Variants in TBL1XR1 observed in about 807,000 individuals in gnomAD.
The protein encoded by TBL1XR1 is TBL1X/Y related 1.
In TBL1XR1, 5 loss-of-function variants were observed where a neutral mutation model predicts 66.9. The observed-to-expected ratio is 0.07, with a 90% CI of 0.04 to 0.16. The LOEUF is 0.16. Among genes scored for constraint, TBL1XR1 ranks in the 10% least tolerant of loss-of-function variants. The probability of loss-of-function intolerance (pLI) is 1.00; values close to 1 mark genes in which losing one functional copy is unlikely to be tolerated. For synonymous variants in TBL1XR1, 210 were observed against 206.0 expected, an observed-to-expected ratio of 1.02 and a Z score of -0.17; for missense variants, 238 against 623.2, an observed-to-expected ratio of 0.38 and a Z score of 6.58.
chr3:177,081,299 T>C (rs1198486104), intron 2 of TBL1XR1, among the ~76,000 whole-genome samples: 1 of 152,256 alleles, frequency 6.6e-6, no homozygotes, highest in Non-Finnish European at 1.5e-5. Flanking sequence ...AATTTATTTT[T>C]CATTTTGATT....
At chr3:177,150,456 A>T (rs1453653829) in intron 1 of TBL1XR1, among the ~76,000 whole-genome samples, 1 of 152,200 alleles carries the variant, frequency 6.6e-6, no homozygotes, top group Non-Finnish European at 1.5e-5. Context: ...AGAGACCAAA[A>T]GCTATCAGGT....
intron 1 of TBL1XR1, among the ~76,000 whole-genome samples, chr3:177,148,735 T>A (rs1018639136): frequency 6.8e-5 from 10 of 148,118 alleles, no homozygotes; most frequent in African/African-American, 2.5e-4. Flanking sequence ...ATTGGCTGGG[T>A]GCGATGGCTC....
chr3:177,157,367 A>C (rs1373332655), intron 1 of TBL1XR1, among the ~76,000 whole-genome samples: 1 of 152,204 alleles, frequency 6.6e-6, no homozygotes, highest in Non-Finnish European at 1.5e-5. Context: ...ACCATTCTTC[A>C]GCAGTCATTA....
intron 1 of TBL1XR1, among the ~76,000 whole-genome samples, chr3:177,136,626 T>C (rs1474811230): frequency 1.3e-5 from 2 of 152,062 alleles, no homozygotes; most frequent in Non-Finnish European, 2.9e-5. Flanking sequence ...AACATTGGAG[T>C]AGTAAAAATC....
intron 1 of TBL1XR1, among the ~76,000 whole-genome samples, chr3:177,130,238 T>C (rs1197882500): frequency 6.6e-6 from 1 of 152,060 alleles, no homozygotes. Flanking sequence ...GGGGAACTTA[T>C]TCATCAAAAC....
chr3:177,149,235 G>T (rs905817826), intron 1 of TBL1XR1, among the ~76,000 whole-genome samples: 2 of 152,146 alleles, frequency 1.3e-5, no homozygotes, highest in Non-Finnish European at 2.9e-5. Flanking sequence ...ATCAAACTGA[G>T]TGTCTAGTAT....
At chr3:177,128,081 T>C (rs1727856948) in intron 1 of TBL1XR1, among the ~76,000 whole-genome samples, 2 of 151,916 alleles carry the variant, frequency 1.3e-5, no homozygotes, top group African/African-American at 4.8e-5. Flanking sequence ...TAGTTGGGCG[T>C]GGTGGTGCAC....
intron 1 of TBL1XR1, among the ~76,000 whole-genome samples, chr3:177,152,590 C>T (rs891729654): frequency 2.0e-5 from 3 of 152,146 alleles, no homozygotes; most frequent in Admixed American, 6.6e-5. Context: ...GGTGCCCGGC[C>T]GCCCTACCCT....
intron 1 of TBL1XR1, among the ~76,000 whole-genome samples, chr3:177,186,490 A>G (rs1735425258): frequency 6.6e-6 from 1 of 152,194 alleles, no homozygotes; most frequent in South Asian, 2.1e-4. Flanking sequence ...TTATACTGTG[A>G]GTTAATGACA....
chr3:177,197,915 G>C (rs1183417741), upstream of TBL1XR1, among the ~76,000 whole-genome samples: 2 of 149,998 alleles, frequency 1.3e-5, no homozygotes, highest in East Asian at 3.9e-4. Context: ...GCCCGAGACG[G>C]GTGGGGGCGG....
intron 1 of TBL1XR1, among the ~76,000 whole-genome samples, chr3:177,162,109 A>T (rs752149347): frequency 6.6e-6 from 1 of 152,220 alleles, no homozygotes; most frequent in Non-Finnish European, 1.5e-5. Context: ...CTAATACACC[A>T]AAAAGATGTT....
chr3:177,055,495 T>C lies in TBL1XR1; in HGVS notation c.59-1577A>G, dbSNP rs115990981. ...GCAAGATCATAATTAAATGCATTTA[T>C]AGTTTTCATAGTTTTCACCTTAATC... On this transcript the variant is annotated intron_variant, in intron 3 of 15. Transcript: ENST00000457928. Among the ~76,000 whole-genome samples the C allele has an allele frequency of 9.4e-3, 1,401 of 149,746 alleles. 15 individuals carry two copies. The highest frequency in any genetic ancestry group is 0.036 in the South Asian group (168 of 4,716).
At chr3:177,032,718 T>A (rs1333550762) in intron 14 of TBL1XR1, 7 of 299,610 alleles carry the variant, frequency 2.3e-5, no homozygotes, top group Non-Finnish European at 3.7e-5. Flanking sequence ...AACATTCACA[T>A]CTGATATCTG....
chr3:177,098,574 C>T lies in TBL1XR1; in HGVS notation c.-121-33G>A, dbSNP rs1286839147. The T allele has an allele frequency of 6.2e-6, 6 of 968,400 alleles. No individual in the cohort carries two copies. In the African/African-American group the frequency reaches 1.1e-4, roughly 17 times the overall value. 60.0% of individuals were successfully genotyped at this position (968,400 alleles called of 1,614,324 possible). ...AAAGGAAAGTAAAGTATTCAATGTG[C>T]CCTAAAACAAATTCAGTTTAAAAGA... On this transcript the variant is annotated intron_variant, in intron 1 of 15. Coordinates refer to ENST00000457928, the MANE Select transcript of TBL1XR1 (RefSeq NM_024665.7).
chr3:177,054,046 G>A (rs1303636679), intron 3 of TBL1XR1, 128 bp from the exon 4 acceptor site: 4 of 27,786 alleles, frequency 1.4e-4, no homozygotes, highest in Non-Finnish European at 2.9e-4. Flanking sequence ...GACGAAGGTC[G>A]TGTGTGTGTG....
At position 177,135,338 on chromosome 3, in the gene TBL1XR1, CATATATAT is replaced by C. The variant is rs1177634107; in HGVS notation, c.-121-36805_-121-36798del. 4.0e-4 allele frequency among the ~76,000 whole-genome samples: 9 copies of C among 22,478 alleles called. No homozygotes were observed. The South Asian group carries it at 7.5e-3, about 19-fold the overall frequency. 14.7% of individuals were successfully genotyped at this position (22,478 alleles called of 152,430 possible). ...GTGTGTGTGTGTGTGTGTGTGTATA[CATATATAT>C]ATATATATATATATATATATATATA... On this transcript the variant is annotated intron_variant, in intron 1 of 15. Coordinates refer to ENST00000457928, the MANE Select transcript of TBL1XR1 (RefSeq NM_024665.7).
chr3:177,091,073 G>T (rs1722779287), intron 2 of TBL1XR1: 2 of 148,968 alleles, frequency 1.3e-5, no homozygotes, highest in Admixed American at 1.3e-4. Context: ...GGGAGATAGG[G>T]GAGGGGAGGG....
chr3:177,100,206 C>T (rs1472287330), intron 1 of TBL1XR1, among the ~76,000 whole-genome samples: 1 of 152,188 alleles, frequency 6.6e-6, no homozygotes, highest in African/African-American at 2.4e-5. Flanking sequence ...CATGCCACTG[C>T]ATTTCAGTCT....
intron 10 of TBL1XR1, chr3:177,040,941 A>G (rs746581020): frequency 2.0e-5 from 3 of 152,198 alleles, no homozygotes; most frequent in Non-Finnish European, 4.4e-5. Context: ...TATATTTTTA[A>G]AATATTTAAT....
Sources: allele counts gnomAD v4.1 joint callset (sites outside exome capture counted in the v4.1 genomes callset), GRCh38; gene constraint gnomAD v4.1.1; transcripts MANE v1.5; gene names NCBI Gene and HGNC (gene_info 2026-07-23, HGNC 2026-07-21).